STRBP: variants seen among roughly 807,000 people sequenced by gnomAD.
STRBP encodes spermatid perinuclear RNA binding protein, also known as spermatid perinuclear RNA-binding protein.
STRBP carries 13 observed loss-of-function variants against 80.1 expected under a neutral mutation model. The ratio of observed to expected loss-of-function variants is 0.16; its 90% CI spans 0.11 to 0.26. The LOEUF (loss-of-function observed/expected upper bound fraction) is 0.26, where lower values mean the gene tolerates loss of function less well. Ranked by LOEUF, STRBP falls within the 10% of genes least tolerant of loss-of-function variation. STRBP has a pLI of 1.00. For synonymous variants in STRBP, 284 were observed against 291.2 expected (o/e 0.98, Z 0.25); for missense variants, 485 against 815.2 (o/e 0.59, Z 4.93).
intron 3 of STRBP, chr9:123,113,792 C>G (rs2035604246): frequency 6.0e-6 from 1 of 167,100 alleles, no homozygotes; most frequent in African/African-American, 2.4e-5. Flanking sequence ...CAAAATACTC[C>G]CTACTTTGCA....
At chr9:123,199,760 T>C (rs2039243970) in intron 2 of STRBP, among the ~76,000 whole-genome samples, 2 of 152,228 alleles carry the variant, frequency 1.3e-5, no homozygotes, top group South Asian at 4.1e-4. Flanking sequence ...AATTTGTTTA[T>C]CAAATCTAAG....
intron 8 of STRBP, 30 bp from the exon 9 acceptor site, chr9:123,159,237 A>G: frequency 6.8e-7 from 1 of 1,477,252 alleles, no homozygotes; most frequent in Middle Eastern, 1.7e-4. Flanking sequence ...AAATTAGTAC[A>G]TGCACCAAGT....
At chr9:123,233,414 G>C (rs182918115) in intron 2 of STRBP, among the ~76,000 whole-genome samples, 1 of 152,188 alleles carries the variant, frequency 6.6e-6, no homozygotes, top group Admixed American at 6.5e-5. Context: ...GTGTTAACAA[G>C]TATCAAACTC....
chr9:123,116,418 G>C (rs948212551), intron 2 of STRBP, among the ~76,000 whole-genome samples: 5 of 152,122 alleles, frequency 3.3e-5, no homozygotes. Context: ...TAAAATGATG[G>C]TCTGTAGAAA....
rs1176844591 is a variant in STRBP at position 123,126,743 on chromosome 9, C to T, written c.1943-1070G>A. Among the ~76,000 whole-genome samples the T allele has an allele frequency of 2.6e-5, 4 of 152,132 alleles. No individual in the cohort carries two copies. The highest frequency in any genetic ancestry group is 1.9e-4 in the East Asian group (1 of 5,202). ...CACAGATTTAAATATCTGCCCCAAG[C>T]GGCAGATGTTTTGGCACTTATACAA... On this transcript the variant is annotated intron_variant, in intron 18 of 18. Transcript: ENST00000348403. This position sits in a 1 kb window ranked among gnomAD's most constrained non-coding sequence, Gnocchi z 4.4.
At chr9:123,150,751 A>G (rs892058790) in intron 11 of STRBP, among the ~76,000 whole-genome samples, 4 of 152,086 alleles carry the variant, frequency 2.6e-5, no homozygotes, top group African/African-American at 9.7e-5. Flanking sequence ...GGAGTCCAAA[A>G]CTAAGTTCAA....
At chr9:123,191,483 C>T (rs1370628719) in intron 2 of STRBP, among the ~76,000 whole-genome samples, 1 of 152,060 alleles carries the variant, frequency 6.6e-6, no homozygotes, top group Non-Finnish European at 1.5e-5. Context: ...CAAACTTTTT[C>T]TTTAAAGTGC....
At chr9:123,206,778 A>G (rs2132522821) in intron 2 of STRBP, among the ~76,000 whole-genome samples, 1 of 152,204 alleles carries the variant, frequency 6.6e-6, no homozygotes, top group East Asian at 1.9e-4. Context: ...AGCTGGAATT[A>G]CAGGCACCCG....
rs71388358 is a variant in STRBP at position 123,197,667 on chromosome 9, C to CTTTT, written c.-164-13373_-164-13370dup. Reference sequence around the variant, plus strand: ...ATACAAGTTGCTGTGAAACATATTTCTTTTTTTTTTTTTTTTTTTTTTTTT... The same window carrying CTTTT: ...ATACAAGTTGCTGTGAAACATATTTCTTTTTTTTTTTTTTTTTTTTTTTTTTTTT... On this transcript the variant is annotated intron_variant, in intron 2 of 18. Transcript: ENST00000348403. 1.2e-3 allele frequency among the ~76,000 whole-genome samples: 109 copies of CTTTT among 87,384 alleles called. 1 individual carries two copies. The highest frequency in any genetic ancestry group is 1.5e-3 in the East Asian group (4 of 2,632). 57.3% of individuals were successfully genotyped at this position (87,384 alleles called of 152,430 possible).
intron 1 of STRBP, among the ~76,000 whole-genome samples, chr9:123,262,296 T>C (rs371564781): frequency 2.0e-5 from 3 of 152,060 alleles, no homozygotes; most frequent in African/African-American, 7.2e-5. Context: ...AAGAAAAAAA[T>C]AGAGACAGAG....
intron 3 of STRBP, chr9:123,181,030 C>A (rs901953785): frequency 1.7e-6 from 1 of 603,336 alleles, no homozygotes; most frequent in African/African-American, 2.0e-5. Context: ...ACTATAGTGT[C>A]ACTGTCCTCT....
chr9:123,117,504 C>G (rs543370868), downstream of STRBP, among the ~76,000 whole-genome samples: 2 of 152,160 alleles, frequency 1.3e-5, no homozygotes, highest in African/African-American at 4.8e-5. Context: ...GCAGGGCTTA[C>G]CATACACGGG....
intron 1 of STRBP, among the ~76,000 whole-genome samples, chr9:123,252,618 C>T (rs1012408496): frequency 1.3e-5 from 2 of 152,242 alleles, no homozygotes; most frequent in African/African-American, 4.8e-5. Context: ...TAGATATTAG[C>T]GAAAGTCACA....
intron 1 of STRBP, among the ~76,000 whole-genome samples, chr9:123,250,338 C>T (rs1005821847): frequency 6.6e-6 from 1 of 152,162 alleles, no homozygotes; most frequent in African/African-American, 2.4e-5. Context: ...TGCTAGTCTT[C>T]TCACTAATTT....
At chr9:123,155,837 G>A (rs1336670513) in intron 11 of STRBP, among the ~76,000 whole-genome samples, 4 of 151,810 alleles carry the variant, frequency 2.6e-5, no homozygotes, top group Non-Finnish European at 5.9e-5. Context: ...GATGCATAAG[G>A]AAATCACCGA....
chr9:123,139,361 AT>A, intron 14 of STRBP, among the ~76,000 whole-genome samples, 167 bp downstream of exon 14: 1 of 152,346 alleles, frequency 6.6e-6, no homozygotes, highest in South Asian at 2.1e-4. Flanking sequence ...ACAGAGATTC[AT>A]GAAAAAAACT....
chr9:123,224,528 T>C (rs2040173683), intron 2 of STRBP, among the ~76,000 whole-genome samples: 1 of 152,216 alleles, frequency 6.6e-6, no homozygotes. Context: ...CGATTCATCT[T>C]TTCACGCAAC....
chr9:123,261,917 T>C (rs2041168310), intron 1 of STRBP, among the ~76,000 whole-genome samples: 3 of 152,222 alleles, frequency 2.0e-5, no homozygotes, highest in South Asian at 4.1e-4. Flanking sequence ...CAGAAGCCTA[T>C]GATTAGATGC....
intron 2 of STRBP, among the ~76,000 whole-genome samples, chr9:123,203,407 CT>C (rs1025111953): frequency 6.6e-6 from 1 of 151,998 alleles, no homozygotes; most frequent in African/African-American, 2.4e-5. Context: ...TCAAAACCTT[CT>C]AATAGTTTCC....
Sources: allele counts gnomAD v4.1 joint callset (sites outside exome capture counted in the v4.1 genomes callset), GRCh38; gene constraint gnomAD v4.1.1; non-coding constraint Gnocchi (gnomAD v3.1); transcripts MANE v1.5; gene names NCBI Gene and HGNC (gene_info 2026-07-23, HGNC 2026-07-21).